Variants in DNASE1 observed in about 807,000 individuals in gnomAD.
DNASE1 encodes deoxyribonuclease-1.
DNASE1 carries 40 observed loss-of-function variants against 33.9 expected under a neutral mutation model. The ratio of observed to expected loss-of-function variants is 1.18; its 90% CI spans 0.92 to 1.54. The LOEUF (loss-of-function observed/expected upper bound fraction) is 1.54, where lower values mean the gene tolerates loss of function less well. Ranked by LOEUF, DNASE1 falls within the 40% of genes most tolerant of loss-of-function variation. The probability of loss-of-function intolerance (pLI) is 0.00; values close to 1 mark genes in which losing one functional copy is unlikely to be tolerated. For synonymous variants in DNASE1, 216 were observed against 160.0 expected (o/e 1.35, Z -2.64); for missense variants, 518 against 372.6 (o/e 1.39, Z -3.21).
At chr16:3,654,652 C>T (rs1302605404), upstream of DNASE1, 4 of 398,964 alleles carry the variant, frequency 1.0e-5, no homozygotes, top group Non-Finnish European at 1.8e-5. Context: ...GCCTTGTTAT[C>T]AGACATTTTA....
In DNASE1 at chr16:3,663,649, G is replaced by A. The variant is rs574344970; in HGVS notation, c.*5696G>A. The A allele has an allele frequency of 5.1e-6, 8 of 1,557,948 alleles. No homozygotes were observed. The South Asian group carries it at 5.8e-5, about 11-fold the overall frequency. ...GGATGAGGGCGGCAGGAGGGCTGGG[G>A]GAGCCAAGCGGGCCACACTGGGGAA... On this transcript the variant is annotated 3_prime_UTR_variant, in exon 10 of 10. Transcript: ENST00000407479.
upstream of DNASE1, chr16:3,641,164 G>A (rs948360996): frequency 5.1e-6 from 2 of 389,488 alleles, no homozygotes; most frequent in African/African-American, 4.1e-5. Flanking sequence ...ACGCTGTGGG[G>A]GGCGTGGCCC....
Position 3,656,765 on chromosome 16 carries a change from C to T in DNASE1, c.436+12C>T, listed in dbSNP as rs1039867665. The T allele has an allele frequency of 6.3e-7, 1 of 1,596,890 alleles. No individual in the cohort carries two copies. Among genetic ancestry groups the T allele is most frequent in the Non-Finnish European group, 8.5e-7 (1 of 1,172,012 alleles). ...CTCCCGGTTCACAGGTGGGTGCTGC[C>T]TGGGCCAGGGTGGGGCTCGGCTTGG... On this transcript the variant is annotated intron_variant, in intron 5 of 8. Coordinates refer to ENST00000246949, the MANE Select transcript of DNASE1 (RefSeq NM_005223.4).
chr16:3,658,344 G>A (rs185119718), downstream of DNASE1: 2,320 of 824,028 alleles, frequency 2.8e-3, 13 homozygotes, highest in South Asian at 8.1e-3. Flanking sequence ...GCACGATCTC[G>A]GCTCACTGCA....
chr16:3,663,444 T>G (rs2050737496), exon 10 of DNASE1: 2 of 1,614,016 alleles, frequency 1.2e-6, no homozygotes, highest in Non-Finnish European at 1.7e-6. Flanking sequence ...GTCCTCAAAC[T>G]TCTCCTCCTT....
chr16:3,632,991 T>C (rs2151180108), intron 1 of DNASE1, among the ~76,000 whole-genome samples: 1 of 152,328 alleles, frequency 6.6e-6, no homozygotes. Context: ...ACAAATTCCC[T>C]TAATTTTTGT....
Position 3,625,828 on chromosome 16 carries a change from G to T in DNASE1, c.-1359+13822G>T, listed in dbSNP as rs572908643. On this transcript the variant is annotated intron_variant and NMD_transcript_variant, in intron 1 of 11. Transcript: ENST00000570769. ...TAAGAGGGTGTAAAGGGCTGTGCAT[G>T]GTGGCTCATGCCTGTAATCCCAACA... Among the ~76,000 whole-genome samples, 447 of 152,172 alleles carry T rather than the reference G, an allele frequency of 2.9e-3. 4 individuals are homozygous for T. The highest frequency in any genetic ancestry group is 3.4e-3 in the Non-Finnish European group (232 of 67,988).
At chr16:3,639,577 C>T (rs546268356), upstream of DNASE1, among the ~76,000 whole-genome samples, 3 of 152,320 alleles carry the variant, frequency 2.0e-5, no homozygotes, top group Non-Finnish European at 2.9e-5. Flanking sequence ...CCCTTAGTTA[C>T]CTCCCTTTAC....
At chr16:3,656,610 C>A in intron 4 of DNASE1, 28 bp from the exon 5 acceptor site, 2 of 1,580,518 alleles carry the variant, frequency 1.3e-6, no homozygotes, top group South Asian at 1.1e-5. Flanking sequence ...AGCCTGGGGT[C>A]ACCTCCTCCT....
At chr16:3,650,255 A>T (rs780632907), upstream of DNASE1, among the ~76,000 whole-genome samples, 22 of 152,234 alleles carry the variant, frequency 1.4e-4, no homozygotes, top group Non-Finnish European at 3.1e-4. Context: ...TCTGAGCATC[A>T]TCTGGTGGAA....
intron 1 of DNASE1, among the ~76,000 whole-genome samples, chr16:3,622,527 A>T (rs55939755): frequency 6.6e-6 from 1 of 152,060 alleles, no homozygotes; most frequent in African/African-American, 2.4e-5. Flanking sequence ...TCTTTTTCCT[A>T]TTGATTTGTA....
exon 1 of DNASE1, chr16:3,611,978 G>C (rs1596538419): frequency 6.6e-6 from 1 of 152,512 alleles, no homozygotes; most frequent in Middle Eastern, 3.4e-3. Flanking sequence ...ACCAAATCTG[G>C]CCTGGGGGCC....
exon 10 of DNASE1, chr16:3,664,726 T>C (rs905273314): frequency 2.4e-6 from 1 of 421,354 alleles, no homozygotes; most frequent in East Asian, 4.9e-5. Context: ...CACCACGCCC[T>C]GGGAGGGGAC....
chr16:3,662,708 G>C (rs377509192), downstream of DNASE1: 1 of 707,536 alleles, frequency 1.4e-6, no homozygotes, highest in East Asian at 2.7e-5. Flanking sequence ...CTGCCTCAGC[G>C]GCACTCCCGA....
chr16:3,663,424 C>T, exon 10 of DNASE1: 1 of 1,614,072 alleles, frequency 6.2e-7, no homozygotes, highest in Non-Finnish European at 8.5e-7. Context: ...GGATGCCGAC[C>T]TGGGGACCTG....
chr16:3,638,293 G>C (rs754978327), upstream of DNASE1, among the ~76,000 whole-genome samples: 1 of 152,072 alleles, frequency 6.6e-6, no homozygotes, highest in Non-Finnish European at 1.5e-5. Context: ...TCTACAACTT[G>C]ATTATGATGT....
At chr16:3,630,068 C>A (rs1356726369) in intron 1 of DNASE1, among the ~76,000 whole-genome samples, 3 of 152,236 alleles carry the variant, frequency 2.0e-5, no homozygotes, top group African/African-American at 7.2e-5. Flanking sequence ...ATCTGCCCAC[C>A]TCGGCCTCCC....
upstream of DNASE1, chr16:3,652,801 G>A (rs2151208185): frequency 6.6e-6 from 1 of 152,512 alleles, no homozygotes; most frequent in South Asian, 2.1e-4. Context: ...TTTCGACCTT[G>A]GCCCCTGCTG....
exon 10 of DNASE1, chr16:3,664,991 C>G (rs533182792): frequency 6.5e-6 from 1 of 154,014 alleles, no homozygotes; most frequent in Non-Finnish European, 1.4e-5. Context: ...GGAGCTGCAG[C>G]TGGAAGGACG....
Sources: gnomAD v4.1 joint callset for allele counts (sites outside exome capture counted in the v4.1 genomes callset) on GRCh38, gnomAD v4.1.1 for gene constraint, MANE v1.5 for transcripts, NCBI Gene and HGNC (gene_info 2026-07-23, HGNC 2026-07-21) for gene names.